The following FABP2 variants were observed in gnomAD, a reference collection of about 807,000 sequenced individuals.
FABP2 encodes fatty acid-binding protein, intestinal.
FABP2 carries 11 observed loss-of-function variants against 16.1 expected under a neutral mutation model. The ratio of observed to expected loss-of-function variants is 0.68; its 90% CI spans 0.43 to 1.13. FABP2 has a LOEUF of 1.13. Among genes scored for constraint, FABP2 ranks in the 50% most tolerant of loss-of-function variants. The pLI, the probability that FABP2 is intolerant of heterozygous loss-of-function variation, is 0.00. For synonymous variants in FABP2, 45 were observed against 50.9 expected (o/e 0.88, Z 0.49); for missense variants, 146 against 155.1 (o/e 0.94, Z 0.31).
chr4:119,319,151 A>G, intron 3 of FABP2, 60 bp from the exon 4 acceptor site: 1 of 1,100,212 alleles, frequency 9.1e-7, no homozygotes, highest in East Asian at 2.6e-5. Context: ...AGTTAAGAAA[A>G]AGTAGTATTA....
Position 119,322,071 on chromosome 4 carries a change from C to A in FABP2, c.32G>T (p.Arg11Leu). The change falls in exon 1 of 4, where the codon CGG (arginine) becomes CTG (leucine). Residue 11 changes from arginine to leucine, a missense_variant. By Grantham distance (102) the Arg-to-Leu change is moderately radical. Coordinates refer to ENST00000274024, the MANE Select transcript of FABP2 (RefSeq NM_000134.4). The part of the protein sequence containing the change: MAFDSTWKVD[R>L]SENYDKFMEK... Reference sequence around the variant, plus strand: ...CATGAACTTGTCATAGTTTTCACTCCGGTCTACCTTCCAAGTGCTGTCAAA... The same window carrying A: ...CATGAACTTGTCATAGTTTTCACTCAGGTCTACCTTCCAAGTGCTGTCAAA... The A allele has an allele frequency of 6.2e-7, 1 of 1,613,384 alleles. No homozygotes were observed.
In FABP2 at chr4:119,319,023, G is replaced by T; in HGVS notation, c.*18C>A. 6.3e-7 allele frequency: 1 copy of T among 1,588,576 alleles called. No homozygotes were observed. The highest frequency in any genetic ancestry group is 8.6e-7 in the Non-Finnish European group (1 of 1,166,984). ...TTCTGTCCAATTTGTATTTTGGACT[G>T]TGCGCCAAGAATAATGCTCAATCCT... On this transcript the variant is annotated 3_prime_UTR_variant, in exon 4 of 4. Transcript: ENST00000274024.
In FABP2 at chr4:119,319,077, T is replaced by G. The variant is rs1272520310; in HGVS notation, c.363A>C (p.Glu121Asp). The G allele has an allele frequency of 6.2e-7, 1 of 1,601,130 alleles. No homozygotes were observed. The highest frequency in any genetic ancestry group is 1.1e-5 in the South Asian group (1 of 89,280). The change falls in exon 4 of 4, where the codon GAA becomes GAC. Residue 121 changes from glutamate (E) to aspartate (D), a missense_variant. By Grantham distance (45) the Glu-to-Asp change is conservative. Coordinates refer to ENST00000274024, the MANE Select transcript of FABP2 (RefSeq NM_000134.4). ...TAAAGATCCTTTTGGCTTCTACTCCTTCATATACATAAGTCTGAAAGGTGT... is the reference window on the plus strand; with the variant it reads ...TAAAGATCCTTTTGGCTTCTACTCCGTCATATACATAAGTCTGAAAGGTGT... ...GDELVQTYVY[E>D]GVEAKRIFKK...
chr4:119,319,710 C>T, intron 2 of FABP2, 67 bp from the exon 3 acceptor site: 1 of 702,080 alleles, frequency 1.4e-6, no homozygotes, highest in Non-Finnish European at 2.0e-6. Context: ...ACATGTCAGG[C>T]ACTGTTCTGA....
intron 2 of FABP2, 21 bp from the exon 3 acceptor site, chr4:119,319,664 T>C: frequency 9.9e-7 from 1 of 1,005,220 alleles, no homozygotes; most frequent in Non-Finnish European, 1.3e-6. Context: ...ATAATAATAA[T>C]AATAATAATA....
Position 119,318,787 on chromosome 4 carries a change from G to T in FABP2, c.*254C>A. Reference sequence around the variant, plus strand: ...GCAAGGCTACATATAAAGCAACATGGACGCAATATTTATTTTTGTTTTTTA... The same window carrying T: ...GCAAGGCTACATATAAAGCAACATGTACGCAATATTTATTTTTGTTTTTTA... On this transcript the variant is annotated 3_prime_UTR_variant, in exon 4 of 4. Transcript: ENST00000274024. 1 of 359,806 alleles carries T rather than the reference G, an allele frequency of 2.8e-6. No individual in the cohort carries two copies. The highest frequency in any genetic ancestry group is 5.0e-6 in the Non-Finnish European group (1 of 199,398). The allele number at this position is 359,806 out of a possible 1,614,324, so 22.3% of individuals were successfully genotyped here. A position where few individuals can be genotyped will look rare whatever the true frequency, so the allele number is the denominator to read the frequency against.
Position 119,318,239 on chromosome 4 carries a change from G to A in FABP2, c.*802C>T, listed in dbSNP as rs1755611233. On this transcript the variant is annotated 3_prime_UTR_variant, in exon 4 of 4. Coordinates refer to ENST00000274024, the MANE Select transcript of FABP2 (RefSeq NM_000134.4). The stretch of plus-strand genomic sequence containing the variant: ...GCTGAGAGGATATCTATCAAAATCA[G>A]AATGGCAATTATCTCTGGATTATGA... 1 of 152,072 alleles carries A rather than the reference G, an allele frequency of 6.6e-6. No individual in the cohort carries two copies. Among genetic ancestry groups the A allele is most frequent in the Non-Finnish European group, 1.5e-5 (1 of 67,986 alleles). 9.4% of individuals were successfully genotyped at this position (152,072 alleles called of 1,614,324 possible).
intron 2 of FABP2, 48 bp downstream of exon 2, chr4:119,320,622 G>A (rs1366469897): frequency 1.0e-5 from 14 of 1,382,484 alleles, no homozygotes; most frequent in Non-Finnish European, 1.4e-5. Flanking sequence ...TTTTAATATT[G>A]GGTAGAAAAA....
In FABP2 at chr4:119,319,029, C is replaced by A. The variant is rs779527090; in HGVS notation, c.*12G>T. On this transcript the variant is annotated 3_prime_UTR_variant, in exon 4 of 4. Coordinates refer to ENST00000274024, the MANE Select transcript of FABP2 (RefSeq NM_000134.4). Reference sequence around the variant, plus strand: ...CCAATTTGTATTTTGGACTGTGCGCCAAGAATAATGCTCAATCCTTTTTAA... The same window carrying A: ...CCAATTTGTATTTTGGACTGTGCGCAAAGAATAATGCTCAATCCTTTTTAA... 4 of 1,593,354 alleles carry A rather than the reference C, an allele frequency of 2.5e-6. No individual in the cohort carries two copies. In the East Asian group the frequency reaches 9.3e-5, roughly 37 times the overall value.
Position 119,318,307 on chromosome 4 carries a change from A to C in FABP2, c.*734T>G, listed in dbSNP as rs1755612080. 6.6e-6 allele frequency: 1 copy of C among 152,158 alleles called. No homozygotes were observed. Among genetic ancestry groups the C allele is most frequent in the East Asian group, 1.9e-4 (1 of 5,182 alleles). 9.4% of individuals were successfully genotyped at this position (152,158 alleles called of 1,614,324 possible). ...TTTACATTTGTGTTTCTTATTTCTA[A>C]GTTTTCTGGTTGAGCATATATTATT... On this transcript the variant is annotated 3_prime_UTR_variant, in exon 4 of 4. Transcript: ENST00000274024.
Position 119,322,071 on chromosome 4 carries a change from C to G in FABP2, c.32G>C (p.Arg11Pro), listed in dbSNP as rs143487215. 3 of 1,613,266 alleles carry G rather than the reference C, an allele frequency of 1.9e-6. No individual in the cohort carries two copies. The highest frequency in any genetic ancestry group is 2.5e-6 in the Non-Finnish European group (3 of 1,179,676). Residue 11 changes from arginine to proline, a missense_variant, in exon 1 of 4, where the codon CGG becomes CCG. Physicochemically the swap from Arg to Pro is moderately radical, Grantham distance 103. Transcript: ENST00000274024. Reference sequence around the variant, plus strand: ...CATGAACTTGTCATAGTTTTCACTCCGGTCTACCTTCCAAGTGCTGTCAAA... The same window carrying G: ...CATGAACTTGTCATAGTTTTCACTCGGGTCTACCTTCCAAGTGCTGTCAAA... MAFDSTWKVD[R>P]SENYDKFMEK...
At chr4:119,320,489 A>C (rs567096591) in intron 2 of FABP2, among the ~76,000 whole-genome samples, 181 bp downstream of exon 2, 4 of 152,086 alleles carry the variant, frequency 2.6e-5, no homozygotes, top group Non-Finnish European at 5.9e-5. Flanking sequence ...ATAAAAATAA[A>C]AACATATTTA....
At chr4:119,320,017 ATGTTAACAACTCTG>A (rs1358942406) in intron 2 of FABP2, among the ~76,000 whole-genome samples, 1 of 132,956 alleles carries the variant, frequency 7.5e-6, no homozygotes, top group African/African-American at 2.9e-5. Context: ...TTTCATGGAG[ATGTTAACAACTCTG>A]TGCTTGTTTT....
intron 2 of FABP2, 78 bp downstream of exon 2, chr4:119,320,592 A>G: frequency 2.5e-6 from 3 of 1,197,078 alleles, no homozygotes; most frequent in Non-Finnish European, 2.3e-6. Flanking sequence ...AAACCATCCA[A>G]TGAAATAGAG....
chr4:119,320,254 TTTCCA>T (rs1755644467), intron 2 of FABP2, among the ~76,000 whole-genome samples: 1 of 152,134 alleles, frequency 6.6e-6, no homozygotes, highest in Admixed American at 6.6e-5. Flanking sequence ...ACATCAAATC[TTTCCA>T]TTTGGTAACT....
chr4:119,319,517 T>C lies in FABP2; in HGVS notation c.348+19A>G, dbSNP rs1265676908. On this transcript the variant is annotated intron_variant, in intron 3 of 3. Coordinates refer to ENST00000274024, the MANE Select transcript of FABP2 (RefSeq NM_000134.4). ...GTAATTTTTGCCTTTTGAAAATAGC[T>C]ATAAATTTGACAACTCACCTGGACT... 6.7e-7 allele frequency: 1 copy of C among 1,493,840 alleles called. No individual in the cohort carries two copies. The highest frequency in any genetic ancestry group is 9.2e-7 in the Non-Finnish European group (1 of 1,088,922). The allele number at this position is 1,493,840 out of a possible 1,614,324, so 92.5% of individuals were successfully genotyped here. A position where few individuals can be genotyped will look rare whatever the true frequency, so the allele number is the denominator to read the frequency against.
intron 1 of FABP2, among the ~76,000 whole-genome samples, chr4:119,321,243 GC>G (rs1288872146): frequency 6.6e-6 from 1 of 151,900 alleles, no homozygotes; most frequent in Non-Finnish European, 1.5e-5. Context: ...TTTCTTAAAT[GC>G]CCCTTTGTTT....
chr4:119,318,966 G>A lies in FABP2; in HGVS notation c.*75C>T, dbSNP rs937290779. Reference sequence around the variant, plus strand: ...AATCAGTAACCTTATACTTGATGGGGTGAAATAAATAGTTCTGGTACAATA... The same window carrying A: ...AATCAGTAACCTTATACTTGATGGGATGAAATAAATAGTTCTGGTACAATA... On this transcript the variant is annotated 3_prime_UTR_variant, in exon 4 of 4. Transcript: ENST00000274024. The A allele has an allele frequency of 8.6e-7, 1 of 1,164,730 alleles. No individual in the cohort carries two copies. The highest frequency in any genetic ancestry group is 1.6e-5 in the African/African-American group (1 of 62,864). The allele number at this position is 1,164,730 out of a possible 1,614,324, so 72.1% of individuals were successfully genotyped here.
Position 119,322,084 on chromosome 4 carries a change from A to G in FABP2, c.19T>C (p.Trp7Arg), listed in dbSNP as rs370280413. MAFDST[W>R]KVDRSENYDK... The stretch of plus-strand genomic sequence containing the variant: ...TAGTTTTCACTCCGGTCTACCTTCC[A>G]AGTGCTGTCAAACGCCATGATTTCA... The change falls in exon 1 of 4, where the codon TGG (tryptophan) becomes CGG (arginine). Residue 7 changes from tryptophan to arginine, a missense_variant. Trp to Arg is a moderately radical substitution (Grantham distance 101). Transcript: ENST00000274024. 1.9e-5 allele frequency: 31 copies of G among 1,613,224 alleles called. No homozygotes were observed. Among genetic ancestry groups the G allele is most frequent in the Non-Finnish European group, 2.5e-5 (30 of 1,179,626 alleles).
Sources: gnomAD v4.1 joint callset for allele counts (sites outside exome capture counted in the v4.1 genomes callset) on GRCh38, gnomAD v4.1.1 for gene constraint, MANE v1.5 for transcripts, NCBI Gene and HGNC (gene_info 2026-07-23, HGNC 2026-07-21) for gene names.